The following HDAC9 variants were observed in gnomAD, a reference collection of about 807,000 sequenced individuals.
HDAC9 encodes histone deacetylase 9, also known as MEF-2 interacting transcription repressor (MITR) protein.
A neutral mutation model predicts 139.4 loss-of-function variants in HDAC9; 41 were observed. The ratio of observed to expected loss-of-function variants is 0.29; its 90% CI spans 0.23 to 0.38. HDAC9 has a LOEUF of 0.38. HDAC9 is among the 10% of genes least tolerant of loss of function. The pLI, the probability that HDAC9 is intolerant of heterozygous loss-of-function variation, is 1.00. For synonymous variants in HDAC9, 517 were observed against 476.2 expected (o/e 1.09, Z -1.12); for missense variants, 1,147 against 1,297.0 (o/e 0.88, Z 1.78).
chr7:18,429,636 A>T (rs1183770167), intron 1 of HDAC9, among the ~76,000 whole-genome samples: 1 of 152,054 alleles, frequency 6.6e-6, no homozygotes, highest in Non-Finnish European at 1.5e-5. Context: ...AACAAAGGAG[A>T]TTATAGATTA....
Position 18,188,045 on chromosome 7 carries a change from A to G in HDAC9, c.25+25696A>G, listed in dbSNP as rs1040867757. ...AAGAAGACCCTGTGCAGCCAAGACA[A>G]TCTTAAGCAAAAAGAACAAAGCTGG... On this transcript the variant is annotated intron_variant, in intron 2 of 12. Transcript: ENST00000417496. Among the ~76,000 whole-genome samples the G allele has an allele frequency of 1.3e-5, 2 of 152,320 alleles. 1 individual carries two copies. The highest frequency in any genetic ancestry group is 4.8e-5 in the African/African-American group (2 of 41,578).
intron 21 of HDAC9, among the ~76,000 whole-genome samples, chr7:18,851,107 C>A (rs1284824154): frequency 6.6e-6 from 1 of 152,192 alleles, no homozygotes; most frequent in Non-Finnish European, 1.5e-5. Context: ...GGTTGCAGTG[C>A]TTCCCTTTGC....
intron 2 of HDAC9, among the ~76,000 whole-genome samples, chr7:18,244,436 A>T (rs1794383855): frequency 6.6e-6 from 1 of 152,164 alleles, no homozygotes; most frequent in Admixed American, 6.5e-5. Context: ...CATGGAAGGG[A>T]CTGTAATTAT....
chr7:18,590,537 A>G, intron 4 of HDAC9, 51 bp downstream of exon 4: 1 of 1,527,172 alleles, frequency 6.5e-7, no homozygotes, highest in Non-Finnish European at 8.9e-7. Flanking sequence ...TCGTTAGCTG[A>G]TCATTATTCA....
In HDAC9 at chr7:18,165,325, T is replaced by A. The variant is rs116867020; in HGVS notation, c.25+2976T>A. On this transcript the variant is annotated intron_variant, in intron 2 of 12. Coordinates refer to the HDAC9 transcript ENST00000417496. ...AATGTATATTGCTCTTTGCTATGAC[T>A]TGGCAAAGTGTAGAAATGCTCTTAG... 1.3e-4 allele frequency among the ~76,000 whole-genome samples: 20 copies of A among 152,264 alleles called. No individual in the cohort carries two copies. In the East Asian group the frequency reaches 3.9e-3, roughly 29 times the overall value.
chr7:18,182,081 A>G (rs1339885573), intron 2 of HDAC9, among the ~76,000 whole-genome samples: 5 of 152,140 alleles, frequency 3.3e-5, no homozygotes, highest in Non-Finnish European at 5.9e-5. Context: ...GGTGTGTGTC[A>G]TGGCTGGCAG....
At chr7:18,102,183 T>C (rs1782897256) in intron 1 of HDAC9, among the ~76,000 whole-genome samples, 1 of 152,230 alleles carries the variant, frequency 6.6e-6, no homozygotes, top group African/African-American at 2.4e-5. Flanking sequence ...GAATACATCT[T>C]GTTACTTCAA....
At chr7:18,162,967 T>G (rs1034466773) in intron 2 of HDAC9, among the ~76,000 whole-genome samples, 2 of 152,184 alleles carry the variant, frequency 1.3e-5, no homozygotes, top group African/African-American at 4.8e-5. Flanking sequence ...AATCCAAGTT[T>G]TGGGAATGAT....
chr7:18,955,934 T>C (rs1342617044), intron 24 of HDAC9, among the ~76,000 whole-genome samples: 5 of 152,126 alleles, frequency 3.3e-5, no homozygotes, highest in African/African-American at 1.2e-4. Flanking sequence ...AAAGGCGTAA[T>C]TTCTGTACAT....
intron 1 of HDAC9, among the ~76,000 whole-genome samples, chr7:18,342,627 A>T (rs979832170): frequency 6.6e-6 from 1 of 151,878 alleles, no homozygotes; most frequent in Non-Finnish European, 1.5e-5. Flanking sequence ...TCATCTAAAA[A>T]TTAGAATTAT....
At chr7:18,131,706 C>T (rs1000455885) in intron 1 of HDAC9, among the ~76,000 whole-genome samples, 3 of 152,154 alleles carry the variant, frequency 2.0e-5, no homozygotes, top group Middle Eastern at 3.4e-3. Flanking sequence ...TCTGATGTTA[C>T]GAACAAGAGA....
At chr7:18,622,999 C>A (rs1398596793) in intron 6 of HDAC9, among the ~76,000 whole-genome samples, 4 of 151,886 alleles carry the variant, frequency 2.6e-5, no homozygotes, top group Non-Finnish European at 5.9e-5. Context: ...CAAAAATTAG[C>A]TGGGTTTGGT....
At chr7:18,960,201 C>A (rs1333544505) in intron 24 of HDAC9, among the ~76,000 whole-genome samples, 1 of 152,104 alleles carries the variant, frequency 6.6e-6, no homozygotes, top group African/African-American at 2.4e-5. Context: ...TCCATGGTTC[C>A]ATACCAGCAA....
At chr7:18,738,628 C>A (rs1020675304) in intron 13 of HDAC9, among the ~76,000 whole-genome samples, 1 of 152,284 alleles carries the variant, frequency 6.6e-6, no homozygotes, top group Middle Eastern at 3.4e-3. Flanking sequence ...CAGAGAGATC[C>A]GCTGTTAGTC....
intron 2 of HDAC9, among the ~76,000 whole-genome samples, chr7:18,564,867 C>T (rs1275297078): frequency 6.6e-6 from 1 of 151,856 alleles, no homozygotes; most frequent in Non-Finnish European, 1.5e-5. Context: ...CTCTACTTGC[C>T]CTTATTTTAA....
intron 1 of HDAC9, among the ~76,000 whole-genome samples, chr7:18,107,819 G>T (rs1562626989): frequency 6.6e-6 from 1 of 152,134 alleles, no homozygotes; most frequent in Non-Finnish European, 1.5e-5. Flanking sequence ...GTAGATAGTG[G>T]CTGGTTAATG....
intron 12 of HDAC9, among the ~76,000 whole-genome samples, chr7:18,724,980 T>A (rs1785424836): frequency 6.6e-6 from 1 of 152,152 alleles, no homozygotes; most frequent in Admixed American, 6.5e-5. Context: ...CTGTGAAATT[T>A]TAAGTGGACC....
At chr7:18,491,466 T>C (rs1003771858), upstream of HDAC9, among the ~76,000 whole-genome samples, 2 of 151,998 alleles carry the variant, frequency 1.3e-5, no homozygotes, top group African/African-American at 4.8e-5. Context: ...CCCAGCTTTA[T>C]ATAACTGTAG....
intron 2 of HDAC9, among the ~76,000 whole-genome samples, chr7:18,230,175 C>T (rs775415551): frequency 6.6e-5 from 10 of 152,126 alleles, no homozygotes; most frequent in Non-Finnish European, 1.3e-4. Flanking sequence ...AAAGGAGAAA[C>T]ATCCTAAAAC....
Sources: allele counts gnomAD v4.1 joint callset (sites outside exome capture counted in the v4.1 genomes callset), GRCh38; gene constraint gnomAD v4.1.1; transcripts MANE v1.5; gene names NCBI Gene and HGNC (gene_info 2026-07-23, HGNC 2026-07-21).